Variants in FRMD4A observed in about 807,000 individuals in gnomAD.
The protein encoded by FRMD4A is FERM domain containing 4A.
Under a neutral mutation model 129.1 loss-of-function variants are expected in FRMD4A, and 29 were observed. The ratio of observed to expected loss-of-function variants is 0.22; its 90% CI spans 0.17 to 0.31. FRMD4A has a LOEUF of 0.31. Among genes scored for constraint, FRMD4A ranks in the 10% least tolerant of loss-of-function variants. The pLI, the probability that FRMD4A is intolerant of heterozygous loss-of-function variation, is 1.00. For synonymous variants in FRMD4A, 634 were observed against 571.6 expected (o/e 1.11, Z -1.56); for missense variants, 1,272 against 1,375.8 (o/e 0.92, Z 1.19).
At position 13,821,518 on chromosome 10, in the gene FRMD4A, A is replaced by G. The variant is rs149673785; in HGVS notation, c.112-10610T>C. 1.3e-5 allele frequency among the ~76,000 whole-genome samples: 2 copies of G among 152,308 alleles called. No homozygotes were observed. The highest frequency in any genetic ancestry group is 4.8e-5 in the African/African-American group (2 of 41,562). ...CCTCTAGTCTAGGAGTGACAGTGGC[A>G]TCACATCGCTGCAGCAGAACAGCAA... On this transcript the variant is annotated intron_variant, in intron 3 of 24. Coordinates refer to ENST00000357447, the MANE Select transcript of FRMD4A (RefSeq NM_018027.5). The surrounding 1 kb of genome is among the most constrained non-coding windows in gnomAD (Gnocchi z 4.3).
At chr10:13,686,095 C>A (rs1281379280) in intron 15 of FRMD4A, among the ~76,000 whole-genome samples, 1 of 152,084 alleles carries the variant, frequency 6.6e-6, no homozygotes, top group African/African-American at 2.4e-5. Flanking sequence ...ATAAACAAAC[C>A]CTGGCACAAT....
chr10:14,256,535 A>G (rs1393724871), intron 2 of FRMD4A, among the ~76,000 whole-genome samples: 1 of 152,260 alleles, frequency 6.6e-6, no homozygotes, highest in Non-Finnish European at 1.5e-5. Flanking sequence ...AGAATATAAG[A>G]GTGTAGTGTT....
rs191815623 is a variant in FRMD4A, at chr10:13,901,825, G to A, written c.46-42913C>T. 1.3e-4 allele frequency among the ~76,000 whole-genome samples: 20 copies of A among 152,210 alleles called. No individual in the cohort carries two copies. The East Asian group carries it at 3.5e-3, about 26-fold the overall frequency. On this transcript the variant is annotated intron_variant, in intron 2 of 24. Coordinates refer to ENST00000357447, the MANE Select transcript of FRMD4A (RefSeq NM_018027.5). Reference sequence around the variant, plus strand: ...AACAGGCGAGTGAGCTTCTCAGAGCGGGGACAGGGCAGGAAGCTGGCCCCC... The same window carrying A: ...AACAGGCGAGTGAGCTTCTCAGAGCAGGGACAGGGCAGGAAGCTGGCCCCC...
At chr10:14,259,264 TAAA>T (rs1305694627) in intron 2 of FRMD4A, among the ~76,000 whole-genome samples, 1 of 152,202 alleles carries the variant, frequency 6.6e-6, no homozygotes, top group Admixed American at 6.5e-5. Context: ...TTACCTAATG[TAAA>T]AAGTGGCCTC....
In FRMD4A at chr10:13,875,399, T is replaced by A. The variant is rs79293831; in HGVS notation, c.46-16487A>T. ...AGTAGAACTTGTCTTCCTCAATCCA[T>A]GTATTTCCCCCCAGTGATTTGTAAA... On this transcript the variant is annotated intron_variant, in intron 2 of 24. Transcript: ENST00000357447. 9.8e-3 allele frequency among the ~76,000 whole-genome samples: 1,491 copies of A among 152,296 alleles called. 13 individuals carry two copies. The highest frequency in any genetic ancestry group is 0.027 in the Middle Eastern group (8 of 294).
intron 19 of FRMD4A, among the ~76,000 whole-genome samples, chr10:13,660,755 C>G (rs2082576945): frequency 6.6e-6 from 1 of 152,196 alleles, no homozygotes; most frequent in South Asian, 2.1e-4. Context: ...GCAAGCCAAA[C>G]CTCCACTGCA....
intron 2 of FRMD4A, among the ~76,000 whole-genome samples, chr10:13,989,709 G>T (rs11258776): frequency 0.32 from 49,197 of 152,126 alleles, 8,926 homozygotes; most frequent in East Asian, 0.75. Flanking sequence ...AATGGAAGCA[G>T]GGAGACAGCC....
intron 2 of FRMD4A, among the ~76,000 whole-genome samples, chr10:13,865,413 A>G (rs574712647): frequency 2.2e-5 from 2 of 92,912 alleles, no homozygotes; most frequent in Non-Finnish European, 3.5e-5. Context: ...TATTTGTTTT[A>G]TTTTATTTTA....
At chr10:13,784,604 T>C (rs1242980063) in intron 5 of FRMD4A, among the ~76,000 whole-genome samples, 1 of 152,212 alleles carries the variant, frequency 6.6e-6, no homozygotes, top group Non-Finnish European at 1.5e-5. Context: ...GGAGAGTTCC[T>C]ACACTGGAGA....
At position 13,971,742 on chromosome 10, in the gene FRMD4A, G is replaced by A. The variant is rs1474897402; in HGVS notation, c.46-112830C>T. On this transcript the variant is annotated intron_variant, in intron 2 of 24. Coordinates refer to ENST00000357447, the MANE Select transcript of FRMD4A (RefSeq NM_018027.5). ...CTCACTTGGCAGGTCCTCAGCGCCC[G>A]ACAAGTCAGGTTCCAACTCCACGGT... 7.7e-6 allele frequency: 10 copies of A among 1,304,246 alleles called. No homozygotes were observed. The East Asian group carries it at 1.7e-4, about 22-fold the overall frequency. 80.8% of individuals were successfully genotyped at this position (1,304,246 alleles called of 1,614,324 possible).
intron 2 of FRMD4A, among the ~76,000 whole-genome samples, chr10:14,285,425 G>A (rs1845651834): frequency 6.6e-6 from 1 of 152,224 alleles, no homozygotes; most frequent in South Asian, 2.1e-4. Flanking sequence ...GAGGCATTGG[G>A]GTAGGCTCTC....
rs190390485 is a variant in FRMD4A at position 13,900,221 on chromosome 10, G to A, written c.46-41309C>T. ...TCAAGTACTTAAAACCAGGGTCCCC[G>A]GGGTGTATGAAGAAATTATCCAATG... On this transcript the variant is annotated intron_variant, in intron 2 of 24. Transcript: ENST00000357447. Among the ~76,000 whole-genome samples the A allele has an allele frequency of 1.8e-3, 273 of 152,274 alleles. 1 individual carries two copies. The highest frequency in any genetic ancestry group is 2.7e-3 in the Non-Finnish European group (182 of 68,020).
intron 2 of FRMD4A, among the ~76,000 whole-genome samples, chr10:14,250,514 CTGTT>C (rs1365554288): frequency 9.2e-5 from 14 of 152,322 alleles, no homozygotes; most frequent in African/African-American, 2.9e-4. Flanking sequence ...AGTCTATAAT[CTGTT>C]TGGTCTCTCT....
chr10:13,917,284 A>ATTT lies in FRMD4A; in HGVS notation c.46-58375_46-58373dup, dbSNP rs34360967. The stretch of plus-strand genomic sequence containing the variant: ...GGTTCTATCTTAATATCCATCACAG[A>ATTT]TTTTTTTTTTTTTTTTGAGATGGAG... On this transcript the variant is annotated intron_variant, in intron 2 of 24. Coordinates refer to ENST00000357447, the MANE Select transcript of FRMD4A (RefSeq NM_018027.5). Among the ~76,000 whole-genome samples the ATTT allele has an allele frequency of 3.4e-4, 48 of 141,460 alleles. 2 individuals carry two copies. Among genetic ancestry groups the ATTT allele is most frequent in the South Asian group, 4.5e-4 (2 of 4,424 alleles). 92.8% of individuals were successfully genotyped at this position (141,460 alleles called of 152,430 possible).
chr10:13,883,553 G>A (rs1346145576), intron 2 of FRMD4A, among the ~76,000 whole-genome samples: 1 of 152,072 alleles, frequency 6.6e-6, no homozygotes, highest in Non-Finnish European at 1.5e-5. Flanking sequence ...TACTATTCTC[G>A]TATTCTCTGA....
At chr10:14,083,227 T>C (rs1836035718) in intron 2 of FRMD4A, 1 of 152,236 alleles carries the variant, frequency 6.6e-6, no homozygotes, top group Non-Finnish European at 1.5e-5. Flanking sequence ...AGCTGACATG[T>C]TTGAGCTCTT....
chr10:13,895,808 A>C (rs1438535886), intron 2 of FRMD4A, among the ~76,000 whole-genome samples: 4 of 152,240 alleles, frequency 2.6e-5, no homozygotes, highest in Non-Finnish European at 5.9e-5. Context: ...CAAGGAACTT[A>C]AACAAATTTA....
intron 2 of FRMD4A, among the ~76,000 whole-genome samples, chr10:13,935,539 T>G (rs1403238643): frequency 6.6e-6 from 1 of 150,414 alleles, no homozygotes; most frequent in Non-Finnish European, 1.5e-5. Context: ...TCTGCCAATA[T>G]GTTAGGTAAA....
intron 7 of FRMD4A, 59 bp from the exon 8 acceptor site, chr10:13,761,728 A>G (rs1000429894): frequency 2.7e-6 from 3 of 1,127,438 alleles, no homozygotes; most frequent in Non-Finnish European, 4.0e-6. Context: ...AGAGACTCTA[A>G]AGTACATTCT....
Sources: gnomAD v4.1 joint callset for allele counts (sites outside exome capture counted in the v4.1 genomes callset) on GRCh38, gnomAD v4.1.1 for gene constraint, Gnocchi (gnomAD v3.1) non-coding constraint, MANE v1.5 for transcripts, NCBI Gene and HGNC (gene_info 2026-07-23, HGNC 2026-07-21) for gene names.